CSMD1: variants seen among roughly 807,000 people sequenced by gnomAD.
CSMD1 encodes CUB and Sushi multiple domains 1, also known as CUB and sushi domain-containing protein 1.
A neutral mutation model predicts 417.5 loss-of-function variants in CSMD1; 213 were observed. The observed-to-expected ratio is 0.51, with a 90% CI of 0.46 to 0.57. The LOEUF is 0.57. Among genes scored for constraint, CSMD1 ranks in the 20% least tolerant of loss-of-function variants. CSMD1 has a pLI of 0.00. For missense variants in CSMD1, 6,923 were observed against 4,529.7 expected, an observed-to-expected ratio of 1.53 and a Z score of -15.17; for synonymous variants, 2,862 against 1,736.8, an observed-to-expected ratio of 1.65 and a Z score of -16.11.
At chr8:3,097,225 C>T (rs1815372122) in intron 46 of CSMD1, among the ~76,000 whole-genome samples, 188 bp from the exon 47 acceptor site, 1 of 152,144 alleles carries the variant, frequency 6.6e-6, no homozygotes, top group Non-Finnish European at 1.5e-5. Context: ...AATTGTGCAT[C>T]TTTCTCTTTG....
intron 3 of CSMD1, among the ~76,000 whole-genome samples, chr8:4,236,216 G>C (rs916443448): frequency 1.3e-5 from 2 of 152,034 alleles, no homozygotes; most frequent in African/African-American, 2.4e-5. Flanking sequence ...GGAATTCATA[G>C]ATCTATAATC....
chr8:4,464,409 G>C (rs906423256), intron 2 of CSMD1, among the ~76,000 whole-genome samples: 1 of 152,202 alleles, frequency 6.6e-6, no homozygotes, highest in Non-Finnish European at 1.5e-5. Context: ...AAACATTGTA[G>C]CTTAGCCTTG....
chr8:4,865,829 T>C (rs557248937), intron 1 of CSMD1, among the ~76,000 whole-genome samples: 1 of 151,946 alleles, frequency 6.6e-6, no homozygotes, highest in Admixed American at 6.5e-5. Context: ...AAAATTAATC[T>C]TCTTTCTTAT....
At chr8:3,047,365 G>A (rs1319534628) in intron 50 of CSMD1, among the ~76,000 whole-genome samples, 4 of 152,038 alleles carry the variant, frequency 2.6e-5, no homozygotes, top group East Asian at 1.9e-4. Context: ...TTCCGCTGCT[G>A]TTTGCATCCG....
At chr8:4,143,807 G>C (rs569165888) in intron 3 of CSMD1, among the ~76,000 whole-genome samples, 3 of 151,366 alleles carry the variant, frequency 2.0e-5, no homozygotes, top group East Asian at 1.9e-4. Flanking sequence ...AGCTGTTCCA[G>C]GGCCTAGTTA....
intron 3 of CSMD1, among the ~76,000 whole-genome samples, chr8:4,361,930 C>G (rs2128907977): frequency 6.6e-6 from 1 of 151,920 alleles, no homozygotes; most frequent in South Asian, 2.1e-4. Context: ...ACGCCAAGGC[C>G]CTCCAGCCTG....
chr8:3,866,067 T>TAA (rs1805080670), intron 5 of CSMD1, among the ~76,000 whole-genome samples: 2 of 152,338 alleles, frequency 1.3e-5, no homozygotes, highest in South Asian at 4.1e-4. Context: ...AAAATGTCTT[T>TAA]AAAAATTCTA....
intron 2 of CSMD1, among the ~76,000 whole-genome samples, chr8:4,510,340 C>T (rs951035436): frequency 1.5e-5 from 2 of 129,796 alleles, no homozygotes; most frequent in Non-Finnish European, 3.1e-5. Context: ...CCCAGGTTAG[C>T]CATACAGGTA....
intron 37 of CSMD1, among the ~76,000 whole-genome samples, chr8:3,179,222 G>T (rs1376551811): frequency 6.6e-6 from 1 of 152,134 alleles, no homozygotes; most frequent in South Asian, 2.1e-4. Flanking sequence ...TGGGATTACA[G>T]GCGTGAGCCA....
intron 3 of CSMD1, among the ~76,000 whole-genome samples, chr8:4,054,940 A>C (rs1265343314): frequency 6.6e-6 from 1 of 152,208 alleles, no homozygotes; most frequent in Non-Finnish European, 1.5e-5. Context: ...TCAATAAAGT[A>C]CAAAGAGACA....
intron 21 of CSMD1, among the ~76,000 whole-genome samples, chr8:3,355,922 C>G (rs1808750541): frequency 6.6e-6 from 1 of 152,052 alleles, no homozygotes; most frequent in African/African-American, 2.4e-5. Context: ...GTTGAATACC[C>G]AAGGAATACA....
chr8:2,999,104 T>C (rs998357807), intron 53 of CSMD1, among the ~76,000 whole-genome samples: 3 of 151,976 alleles, frequency 2.0e-5, no homozygotes, highest in Non-Finnish European at 2.9e-5. Flanking sequence ...GTTATACAGC[T>C]CAAGGTTGAT....
chr8:4,010,895 G>T (rs183440200), intron 4 of CSMD1, among the ~76,000 whole-genome samples: 1 of 152,192 alleles, frequency 6.6e-6, no homozygotes, highest in African/African-American at 2.4e-5. Context: ...AAAACATACT[G>T]AAAGGTCTAA....
chr8:4,100,786 G>T (rs979203025), intron 3 of CSMD1, among the ~76,000 whole-genome samples: 1 of 152,274 alleles, frequency 6.6e-6, no homozygotes, highest in South Asian at 2.1e-4. Flanking sequence ...TACCTTTAGA[G>T]TATGGTGCCA....
Position 4,787,327 on chromosome 8 carries a change from G to T in CSMD1, c.86-149769C>A, listed in dbSNP as rs959811490. On this transcript the variant is annotated intron_variant, in intron 1 of 69. Transcript: ENST00000635120. ...GCGGTCGCAGCCCTCAGCCCACTCA[G>T]GATAATGGCGACAGCTGAGGTACTG... 5.5e-6 allele frequency: 4 copies of T among 726,292 alleles called. No individual in the cohort carries two copies. The East Asian group carries it at 1.1e-4, about 19-fold the overall frequency. The allele number at this position is 726,292 out of a possible 1,614,324, so 45.0% of individuals were successfully genotyped here. A position where few individuals can be genotyped will look rare whatever the true frequency, so the allele number is the denominator to read the frequency against.
At chr8:3,297,889 CCT>C (rs1390481885) in intron 25 of CSMD1, among the ~76,000 whole-genome samples, 2 of 151,906 alleles carry the variant, frequency 1.3e-5, no homozygotes, top group African/African-American at 4.8e-5. Flanking sequence ...GAATTAAAAA[CCT>C]GTGTTTATCA....
At chr8:4,178,758 A>C (rs1185788615) in intron 3 of CSMD1, among the ~76,000 whole-genome samples, 1 of 152,180 alleles carries the variant, frequency 6.6e-6, no homozygotes, top group Non-Finnish European at 1.5e-5. Context: ...TCAATGTACA[A>C]AAATTACAAG....
intron 10 of CSMD1, among the ~76,000 whole-genome samples, chr8:3,513,063 T>C (rs946145345): frequency 3.9e-5 from 6 of 152,136 alleles, no homozygotes; most frequent in African/African-American, 9.7e-5. Context: ...CTAAAACGGA[T>C]AGCTGTGTTT....
At position 4,566,505 on chromosome 8, in the gene CSMD1, T is replaced by G. The variant is rs193218137; in HGVS notation, c.302+70837A>C. 4.0e-3 allele frequency among the ~76,000 whole-genome samples: 610 copies of G among 151,660 alleles called. 5 individuals are homozygous for G. The highest frequency in any genetic ancestry group is 0.014 in the African/African-American group (586 of 41,350). On this transcript the variant is annotated intron_variant, in intron 2 of 69. Coordinates refer to ENST00000635120, the MANE Select transcript of CSMD1 (RefSeq NM_033225.6). ...CGTCTCTACTAAAAATACAAAAAATTAGCCGGGCGTGGTGGCGGGCGCCTG... is the reference window on the plus strand; with the variant it reads ...CGTCTCTACTAAAAATACAAAAAATGAGCCGGGCGTGGTGGCGGGCGCCTG...
Sources: allele counts gnomAD v4.1 joint callset (sites outside exome capture counted in the v4.1 genomes callset), GRCh38; gene constraint gnomAD v4.1.1; transcripts MANE v1.5; gene names NCBI Gene and HGNC (gene_info 2026-07-23, HGNC 2026-07-21).